Variants in KCNK16 observed in about 807,000 individuals in gnomAD.
KCNK16 encodes potassium channel subfamily K member 16.
A neutral mutation model predicts 23.0 loss-of-function variants in KCNK16; 23 were observed. That is an observed-to-expected ratio of 1.00 (90% CI 0.72 to 1.41). The LOEUF is 1.41. Ranked by LOEUF, KCNK16 falls within the 40% of genes most tolerant of loss-of-function variation. The probability of loss-of-function intolerance (pLI) is 0.00; values close to 1 mark genes in which losing one functional copy is unlikely to be tolerated. For missense variants in KCNK16, 327 were observed against 365.8 expected, an observed-to-expected ratio of 0.89 and a Z score of 0.87; for synonymous variants, 145 against 153.5, an observed-to-expected ratio of 0.94 and a Z score of 0.41.
rs1338981950 is a variant in KCNK16, at chr6:39,316,187, T to C, written c.*32A>G. 2 of 1,492,712 alleles carry C rather than the reference T, an allele frequency of 1.3e-6. No individual in the cohort carries two copies. The highest frequency in any genetic ancestry group is 1.3e-5 in the South Asian group (1 of 75,694). The allele number at this position is 1,492,712 out of a possible 1,614,324, so 92.5% of individuals were successfully genotyped here. A position where few individuals can be genotyped will look rare whatever the true frequency, so the allele number is the denominator to read the frequency against. On this transcript the variant is annotated 3_prime_UTR_variant, in exon 5 of 5. Transcript: ENST00000437525. The stretch of plus-strand genomic sequence containing the variant: ...GCAGATAGGGTGGGACTGGGGAGGA[T>C]GAAAGGGGTTTCTGGGCCCCCCCCG...
At chr6:39,315,357 G>A (rs763012865), downstream of KCNK16, 3 of 1,551,626 alleles carry the variant, frequency 1.9e-6, no homozygotes, top group Non-Finnish European at 2.6e-6. Flanking sequence ...TGGCTCTCTG[G>A]CTTCCCATGG....
At chr6:39,320,135 CTGGG>C (rs1047741297) in intron 1 of KCNK16, among the ~76,000 whole-genome samples, 6 of 152,180 alleles carry the variant, frequency 3.9e-5, no homozygotes, top group Non-Finnish European at 5.9e-5. Flanking sequence ...TTCCCGCTGG[CTGGG>C]TGGGTGTGCT....
At position 39,319,185 on chromosome 6, in the gene KCNK16, C is replaced by A. The variant is rs762064649; in HGVS notation, c.214-52G>T. 57 of 1,046,214 alleles carry A rather than the reference C, an allele frequency of 5.4e-5. No individual in the cohort carries two copies. The highest frequency in any genetic ancestry group is 8.3e-5 in the Non-Finnish European group (55 of 665,842). The allele number at this position is 1,046,214 out of a possible 1,614,324, so 64.8% of individuals were successfully genotyped here. A position where few individuals can be genotyped will look rare whatever the true frequency, so the allele number is the denominator to read the frequency against. On this transcript the variant is annotated intron_variant, in intron 1 of 4. Coordinates refer to ENST00000437525, the MANE Select transcript of KCNK16 (RefSeq NM_001135106.2). This position sits in a 1 kb window ranked among gnomAD's most constrained non-coding sequence, Gnocchi z 4.2. ...GAAGAAGGAGCTGATGGTTACTGGG[C>A]ACCAGTTGTTGCCATGCTTTTGGCA...
In KCNK16 at chr6:39,319,067, C is replaced by T. The variant is rs368558702; in HGVS notation, c.280G>A (p.Asp94Asn). The change falls in exon 2 of 5, where the codon GAC becomes AAC. Residue 94 changes from aspartate (D) to asparagine (N), a missense_variant. Transcript: ENST00000437525. The surrounding 1 kb of genome is among the most constrained non-coding windows in gnomAD (Gnocchi z 4.2). ...KGNSTNPSNW[D>N]FGSSFFFAGT... Reference sequence around the variant, plus strand: ...GCAAAGAAGAAACTGCTGCCAAAGTCCCAGTTGCTGGGGTTGGTAGAGTTG... The same window carrying T: ...GCAAAGAAGAAACTGCTGCCAAAGTTCCAGTTGCTGGGGTTGGTAGAGTTG... 4 of 1,614,134 alleles carry T rather than the reference C, an allele frequency of 2.5e-6. No individual in the cohort carries two copies. Among genetic ancestry groups the T allele is most frequent in the Non-Finnish European group, 3.4e-6 (4 of 1,180,000 alleles).
Position 39,322,657 on chromosome 6 carries a change from C to T in KCNK16, c.-117G>A. 3.5e-6 allele frequency: 5 copies of T among 1,423,000 alleles called. No homozygotes were observed. Among genetic ancestry groups the T allele is most frequent in the Non-Finnish European group, 4.6e-6 (5 of 1,078,418 alleles). The allele number at this position is 1,423,000 out of a possible 1,614,324, so 88.1% of individuals were successfully genotyped here. On this transcript the variant is annotated 5_prime_UTR_variant, in exon 1 of 5. Coordinates refer to ENST00000437525, the MANE Select transcript of KCNK16 (RefSeq NM_001135106.2). ...AGGCTGCCGCCTGCCCTGCCCTCCTCCTCGGCACAGGTGTCTGGAGGCTGG... is the reference window on the plus strand; with the variant it reads ...AGGCTGCCGCCTGCCCTGCCCTCCTTCTCGGCACAGGTGTCTGGAGGCTGG...
At chr6:39,317,714 C>T in intron 3 of KCNK16, 72 bp downstream of exon 3, 1 of 1,442,896 alleles carries the variant, frequency 6.9e-7, no homozygotes, top group Non-Finnish European at 9.2e-7. Context: ...TCCATCTCAG[C>T]ATCGGCTTCT....
At chr6:39,322,261 C>T (rs1762539041) in intron 1 of KCNK16, 67 bp downstream of exon 1, 2 of 1,563,608 alleles carry the variant, frequency 1.3e-6, no homozygotes, top group Admixed American at 1.7e-5. Context: ...GTGGATCTGC[C>T]ACAGGAACCC....
intron 3 of KCNK16, 95 bp from the exon 4 acceptor site, chr6:39,317,042 G>T: frequency 7.8e-7 from 1 of 1,277,028 alleles, no homozygotes; most frequent in Non-Finnish European, 1.1e-6. Context: ...GAATGGGACT[G>T]GGCCATAGCT....
chr6:39,315,187 C>A (rs1762261418), downstream of KCNK16: 4 of 1,614,240 alleles, frequency 2.5e-6, no homozygotes, highest in East Asian at 4.5e-5. Flanking sequence ...ATGGGAGAGG[C>A]AAAGGCCAAA....
Position 39,317,837 on chromosome 6 carries a change from A to G in KCNK16, c.444T>C (p.Arg148=), listed in dbSNP as rs370587941. Residue 148 remains arginine (R), a synonymous_variant, in exon 3 of 5, where the codon CGT becomes CGC. Coordinates refer to ENST00000437525, the MANE Select transcript of KCNK16 (RefSeq NM_001135106.2). ...IFLNHLGTGL[R]AHLAAIERWE... ...ATCTTTCAATGGCGGCCAGATGGGC[A>G]CGCAGCCCTGTGCCCAGGTGGTTGA... The G allele has an allele frequency of 1.1e-5, 17 of 1,612,524 alleles. No homozygotes were observed. In the African/African-American group the frequency reaches 2.3e-4, roughly 22 times the overall value.
downstream of KCNK16, chr6:39,314,822 G>T: frequency 1.6e-6 from 1 of 644,354 alleles, no homozygotes; most frequent in Non-Finnish European, 2.7e-6. Context: ...CCACACCTCT[G>T]TCCTTTCCTT....
At chr6:39,318,391 T>A (rs1446127051) in intron 2 of KCNK16, among the ~76,000 whole-genome samples, 1 of 152,164 alleles carries the variant, frequency 6.6e-6, no homozygotes, top group Non-Finnish European at 1.5e-5. Context: ...TCACCTGAGT[T>A]CAAGGAAAGT....
chr6:39,319,172 G>T lies in KCNK16; in HGVS notation c.214-39C>A. On this transcript the variant is annotated intron_variant, in intron 1 of 4. Coordinates refer to ENST00000437525, the MANE Select transcript of KCNK16 (RefSeq NM_001135106.2). The surrounding 1 kb of genome is among the most constrained non-coding windows in gnomAD (Gnocchi z 4.2). ...CATGGCAGGGGAGGAAGAAGGAGCT[G>T]ATGGTTACTGGGCACCAGTTGTTGC... is the stretch of plus-strand genomic sequence containing the variant. The T allele has an allele frequency of 8.3e-7, 1 of 1,209,080 alleles. No homozygotes were observed. The highest frequency in any genetic ancestry group is 1.2e-6 in the Non-Finnish European group (1 of 812,602). The allele number at this position is 1,209,080 out of a possible 1,614,324, so 74.9% of individuals were successfully genotyped here. A position where few individuals can be genotyped will look rare whatever the true frequency, so the allele number is the denominator to read the frequency against.
At chr6:39,314,570 C>T, downstream of KCNK16, 1 of 445,858 alleles carries the variant, frequency 2.2e-6, no homozygotes, top group Non-Finnish European at 3.9e-6. Flanking sequence ...TGCCCACCTG[C>T]TAGGCCTAGG....
Position 39,316,421 on chromosome 6 carries a change from T to C in KCNK16, c.683A>G (p.Tyr228Cys). 1.9e-6 allele frequency: 3 copies of C among 1,608,186 alleles called. No homozygotes were observed. The highest frequency in any genetic ancestry group is 1.7e-6 in the Non-Finnish European group (2 of 1,176,224). ...YVVGTDPSKHYISVYRSLAAI... is the reference protein window; with the variant it reads ...YVVGTDPSKHCISVYRSLAAI... ...TGCCAGGCTCCGATACACTGAGATA[T>C]AATGCTTGCTGGGGTCTGTGCCTGC... Residue 228 changes from tyrosine (Y) to cysteine (C), a missense_variant, in exon 5 of 5, where the codon TAT becomes TGT. By Grantham distance (194) the Tyr-to-Cys change is radical (BLOSUM62 -2). Coordinates refer to ENST00000437525, the MANE Select transcript of KCNK16 (RefSeq NM_001135106.2).
Position 39,316,891 on chromosome 6 carries a change from G to A in KCNK16, c.552C>T (p.Leu184=). ...GGCTGAAGACCATGGGTGGGAAGAT[G>A]AGAATGACCAGCGTCCCCAGGGTCA... ...LFLTLGTLVI[L]IFPPMVFSHV... The change falls in exon 4 of 5, where the codon CTC becomes CTT. Residue 184 remains leucine, a synonymous_variant. Transcript: ENST00000437525. 1 of 1,613,846 alleles carries A rather than the reference G, an allele frequency of 6.2e-7. No individual in the cohort carries two copies. Among genetic ancestry groups the A allele is most frequent in the Non-Finnish European group, 8.5e-7 (1 of 1,179,940 alleles).
chr6:39,316,684 A>G, intron 4 of KCNK16, 98 bp downstream of exon 4: 3 of 1,413,214 alleles, frequency 2.1e-6, no homozygotes, highest in Non-Finnish European at 2.9e-6. Context: ...ACCAAGGGCT[A>G]TCTTATCCTC....
chr6:39,316,589 G>A (rs565472575), intron 4 of KCNK16, 147 bp from the exon 5 acceptor site: 6 of 1,223,924 alleles, frequency 4.9e-6, no homozygotes, highest in African/African-American at 3.0e-5. Flanking sequence ...GCAGGGTGGT[G>A]ATGGGTCCTA....
chr6:39,319,169 G>T lies in KCNK16; in HGVS notation c.214-36C>A. 1.6e-6 allele frequency: 2 copies of T among 1,283,334 alleles called. No homozygotes were observed. Among genetic ancestry groups the T allele is most frequent in the Non-Finnish European group, 2.3e-6 (2 of 880,250 alleles). The allele number at this position is 1,283,334 out of a possible 1,614,324, so 79.5% of individuals were successfully genotyped here. A position where few individuals can be genotyped will look rare whatever the true frequency, so the allele number is the denominator to read the frequency against. On this transcript the variant is annotated intron_variant, in intron 1 of 4. Coordinates refer to ENST00000437525, the MANE Select transcript of KCNK16 (RefSeq NM_001135106.2). This position sits in a 1 kb window ranked among gnomAD's most constrained non-coding sequence, Gnocchi z 4.2. Reference sequence around the variant, plus strand: ...TGGCATGGCAGGGGAGGAAGAAGGAGCTGATGGTTACTGGGCACCAGTTGT... The same window carrying T: ...TGGCATGGCAGGGGAGGAAGAAGGATCTGATGGTTACTGGGCACCAGTTGT...
Sources: gnomAD v4.1 joint callset for allele counts (sites outside exome capture counted in the v4.1 genomes callset) on GRCh38, gnomAD v4.1.1 for gene constraint, Gnocchi (gnomAD v3.1) non-coding constraint, MANE v1.5 for transcripts, NCBI Gene and HGNC (gene_info 2026-07-23, HGNC 2026-07-21) for gene names.